The following PLEKHM3 variants were observed in gnomAD, a reference collection of about 807,000 sequenced individuals.
The protein encoded by PLEKHM3 is pleckstrin homology domain-containing family M member 3.
PLEKHM3 carries 45 observed loss-of-function variants against 81.8 expected under a neutral mutation model. The observed-to-expected ratio is 0.55, with a 90% CI of 0.43 to 0.71. The LOEUF is 0.71. Ranked by LOEUF, PLEKHM3 falls within the 30% of genes least tolerant of loss-of-function variation. The pLI, the probability that PLEKHM3 is intolerant of heterozygous loss-of-function variation, is 0.00. For synonymous variants in PLEKHM3, 352 were observed against 356.4 expected (o/e 0.99, Z 0.14); for missense variants, 788 against 924.3 (o/e 0.85, Z 1.91).
At chr2:207,861,533 G>A (rs1439202667) in intron 6 of PLEKHM3, among the ~76,000 whole-genome samples, 2 of 152,168 alleles carry the variant, frequency 1.3e-5, no homozygotes, top group African/African-American at 4.8e-5. Flanking sequence ...CCCAACAAAT[G>A]GGGAACCCTG....
intron 1 of PLEKHM3, among the ~76,000 whole-genome samples, chr2:208,007,888 C>T (rs1005953901): frequency 6.6e-6 from 1 of 152,072 alleles, no homozygotes; most frequent in African/African-American, 2.4e-5. Context: ...ACCTCATCTA[C>T]TAAAAATACA....
intron 5 of PLEKHM3, among the ~76,000 whole-genome samples, chr2:207,914,993 T>C (rs1296753389): frequency 6.6e-6 from 1 of 152,164 alleles, no homozygotes; most frequent in Non-Finnish European, 1.5e-5. Flanking sequence ...AACTCCACAC[T>C]TCACTCGCCC....
intron 7 of PLEKHM3, 128 bp from the exon 8 acceptor site, chr2:207,828,624 G>GTCTC: frequency 1.2e-6 from 1 of 818,722 alleles, no homozygotes; most frequent in East Asian, 2.7e-5. Flanking sequence ...CAATGGGAAG[G>GTCTC]GAGATGACTC....
intron 3 of PLEKHM3, among the ~76,000 whole-genome samples, chr2:207,969,024 A>C (rs748028717): frequency 2.0e-5 from 3 of 152,212 alleles, no homozygotes; most frequent in Non-Finnish European, 4.4e-5. Context: ...CAAATTTGAA[A>C]ATAGTAGTAA....
At chr2:207,966,612 G>C (rs1449873549) in intron 3 of PLEKHM3, among the ~76,000 whole-genome samples, 1 of 151,946 alleles carries the variant, frequency 6.6e-6, no homozygotes, top group Non-Finnish European at 1.5e-5. Flanking sequence ...GAGTACAGTG[G>C]CTCAATCTTG....
Position 207,825,490 on chromosome 2 carries a change from T to C in PLEKHM3, c.*2829A>G, listed in dbSNP as rs1248675844. The C allele has an allele frequency of 6.6e-6, 1 of 152,234 alleles. No homozygotes were observed. The highest frequency in any genetic ancestry group is 1.9e-4 in the East Asian group (1 of 5,204). The allele number at this position is 152,234 out of a possible 1,614,324, so 9.4% of individuals were successfully genotyped here. A position where few individuals can be genotyped will look rare whatever the true frequency, so the allele number is the denominator to read the frequency against. On this transcript the variant is annotated 3_prime_UTR_variant, in exon 8 of 8. Transcript: ENST00000427836. Reference sequence around the variant, plus strand: ...CTGAAAGAGGTGGTAATCCACAGATTTGCTTTTGTTTCGACAGTTTCTAAG... The same window carrying C: ...CTGAAAGAGGTGGTAATCCACAGATCTGCTTTTGTTTCGACAGTTTCTAAG...
chr2:207,890,799 T>C (rs1400865744), intron 6 of PLEKHM3, among the ~76,000 whole-genome samples: 1 of 152,196 alleles, frequency 6.6e-6, no homozygotes, highest in Admixed American at 6.5e-5. Flanking sequence ...ATTAGGCCAT[T>C]GTCACTTAGC....
chr2:207,863,653 T>G (rs1473977320), intron 6 of PLEKHM3, among the ~76,000 whole-genome samples: 1 of 152,146 alleles, frequency 6.6e-6, no homozygotes, highest in Non-Finnish European at 1.5e-5. Flanking sequence ...TTAATGGGTG[T>G]CGAGTTGGGT....
chr2:207,917,841 G>GA (rs995211942), intron 5 of PLEKHM3, among the ~76,000 whole-genome samples: 7 of 151,116 alleles, frequency 4.6e-5, no homozygotes, highest in Admixed American at 1.3e-4. Context: ...GTCTCAAAAA[G>GA]AAAAAAAAAT....
At chr2:207,946,264 T>C (rs1690125128) in intron 4 of PLEKHM3, 103 bp downstream of exon 4, 1 of 1,349,586 alleles carries the variant, frequency 7.4e-7, no homozygotes, top group Non-Finnish European at 1.0e-6. Flanking sequence ...GACTACCTAA[T>C]CATATCTGCT....
rs2092260346 is a variant in PLEKHM3 at position 207,827,827 on chromosome 2, T to G, written c.*492A>C. The G allele has an allele frequency of 1.3e-5, 2 of 152,210 alleles. No homozygotes were observed. The highest frequency in any genetic ancestry group is 2.9e-5 in the Non-Finnish European group (2 of 68,036). The allele number at this position is 152,210 out of a possible 1,614,324, so 9.4% of individuals were successfully genotyped here. On this transcript the variant is annotated 3_prime_UTR_variant, in exon 8 of 8. Coordinates refer to ENST00000427836, the MANE Select transcript of PLEKHM3 (RefSeq NM_001080475.3). ...GAAGGACCCAGCAGTCTCTTGTGTT[T>G]TGAAGGTTTTCTTATGAAACAGATG...
chr2:207,846,269 G>A (rs1042262723), intron 7 of PLEKHM3, among the ~76,000 whole-genome samples: 1 of 152,174 alleles, frequency 6.6e-6, no homozygotes, highest in East Asian at 2.0e-4. Flanking sequence ...AGCCTCTCAA[G>A]TAGCTGGGAT....
intron 1 of PLEKHM3, among the ~76,000 whole-genome samples, chr2:208,021,754 C>T (rs1488127057): frequency 1.3e-5 from 2 of 152,208 alleles, no homozygotes; most frequent in Non-Finnish European, 2.9e-5. Context: ...CCCGTTGTGG[C>T]CCTTTCAGCC....
At chr2:207,927,824 C>T (rs942025996) in intron 5 of PLEKHM3, among the ~76,000 whole-genome samples, 9 of 152,020 alleles carry the variant, frequency 5.9e-5, no homozygotes, top group Non-Finnish European at 8.8e-5. Context: ...AGCAAAACTC[C>T]GTCTCAAAAA....
At chr2:207,845,631 A>C (rs1415386623) in intron 7 of PLEKHM3, among the ~76,000 whole-genome samples, 1 of 152,246 alleles carries the variant, frequency 6.6e-6, no homozygotes, top group African/African-American at 2.4e-5. Flanking sequence ...ATAAAGTCAC[A>C]TATCTCGGTA....
intron 6 of PLEKHM3, among the ~76,000 whole-genome samples, chr2:207,899,586 T>A (rs1688351469): frequency 6.6e-6 from 1 of 152,132 alleles, no homozygotes; most frequent in South Asian, 2.1e-4. Flanking sequence ...ACATTTCAGG[T>A]GCACAGGTGG....
chr2:207,914,102 C>T (rs1362080098), intron 5 of PLEKHM3, among the ~76,000 whole-genome samples: 1 of 152,236 alleles, frequency 6.6e-6, no homozygotes, highest in Admixed American at 6.5e-5. Flanking sequence ...CCTGTAATCC[C>T]AGCACTTTGG....
At chr2:207,903,877 T>A (rs557744533) in intron 6 of PLEKHM3, among the ~76,000 whole-genome samples, 1 of 152,224 alleles carries the variant, frequency 6.6e-6, no homozygotes, top group Non-Finnish European at 1.5e-5. Context: ...AGTCTTGCCA[T>A]CTCAGGTGAG....
At chr2:207,915,711 C>G (rs1688969726) in intron 5 of PLEKHM3, among the ~76,000 whole-genome samples, 1 of 152,176 alleles carries the variant, frequency 6.6e-6, no homozygotes, top group Admixed American at 6.5e-5. Context: ...GCAAACTCCA[C>G]AATTTGATTC....
Sources: allele counts gnomAD v4.1 joint callset (sites outside exome capture counted in the v4.1 genomes callset), GRCh38; gene constraint gnomAD v4.1.1; transcripts MANE v1.5; gene names NCBI Gene and HGNC (gene_info 2026-07-23, HGNC 2026-07-21).